RFX4: variants seen among roughly 807,000 people sequenced by gnomAD.
The protein encoded by RFX4 is regulatory factor X4.
In RFX4, 10 loss-of-function variants were observed where a neutral mutation model predicts 95.0. The observed-to-expected ratio is 0.11, with a 90% confidence interval of 0.06 to 0.18. RFX4 has a LOEUF of 0.18. RFX4 is among the 10% of genes least tolerant of loss of function. RFX4 has a pLI of 1.00. For missense variants in RFX4, 640 were observed against 922.0 expected (o/e 0.69, Z 3.96); for synonymous variants, 321 against 340.7 (o/e 0.94, Z 0.64).
intron 7 of RFX4, among the ~76,000 whole-genome samples, chr12:106,691,312 T>C (rs2041776713): frequency 6.6e-6 from 1 of 152,274 alleles, no homozygotes; most frequent in Non-Finnish European, 1.5e-5. Flanking sequence ...TTTTCAGATG[T>C]ATCAACCAGA....
chr12:106,646,592 C>A (rs1022960801), intron 3 of RFX4, among the ~76,000 whole-genome samples: 1 of 152,102 alleles, frequency 6.6e-6, no homozygotes, highest in Admixed American at 6.5e-5. Context: ...CTGTTCTGGT[C>A]CAGTTTAGAC....
At chr12:106,706,070 A>G (rs2042080123) in intron 8 of RFX4, among the ~76,000 whole-genome samples, 1 of 152,232 alleles carries the variant, frequency 6.6e-6, no homozygotes, top group Non-Finnish European at 1.5e-5. Flanking sequence ...GTTTGCCTAT[A>G]GAAATAATAT....
At chr12:106,751,248 C>T (rs2042999398) in intron 17 of RFX4, among the ~76,000 whole-genome samples, 1 of 150,698 alleles carries the variant, frequency 6.6e-6, no homozygotes, top group Non-Finnish European at 1.5e-5. Flanking sequence ...CATCCATGTC[C>T]CTACAAAGGA....
intron 2 of RFX4, among the ~76,000 whole-genome samples, chr12:106,636,607 A>C (rs1436897113): frequency 1.3e-5 from 2 of 152,184 alleles, no homozygotes; most frequent in Non-Finnish European, 2.9e-5. Flanking sequence ...CTCCAGGTTG[A>C]CAAAGCATCA....
chr12:106,698,140 T>G (rs1363924637), intron 8 of RFX4, among the ~76,000 whole-genome samples: 1 of 151,724 alleles, frequency 6.6e-6, no homozygotes, highest in Non-Finnish European at 1.5e-5. Flanking sequence ...GCCTGGCTAA[T>G]TTTTTGTATT....
chr12:106,617,568 T>C (rs1271119291), intron 2 of RFX4, among the ~76,000 whole-genome samples: 1 of 152,248 alleles, frequency 6.6e-6, no homozygotes, highest in Non-Finnish European at 1.5e-5. Flanking sequence ...TGTTGATTTC[T>C]CTTTTAGTTC....
intron 4 of RFX4, among the ~76,000 whole-genome samples, chr12:106,654,867 T>G (rs1198663501): frequency 1.3e-5 from 2 of 152,218 alleles, no homozygotes; most frequent in Non-Finnish European, 2.9e-5. Flanking sequence ...TTAGCAGTGA[T>G]CATTCCCATT....
chr12:106,609,868 A>G (rs1258904982), intron 2 of RFX4, among the ~76,000 whole-genome samples: 1 of 152,098 alleles, frequency 6.6e-6, no homozygotes, highest in Non-Finnish European at 1.5e-5. Flanking sequence ...GTCCTGACTT[A>G]TCACTATAGC....
At chr12:106,753,526 A>G (rs1260158743) in intron 17 of RFX4, among the ~76,000 whole-genome samples, 2 of 152,160 alleles carry the variant, frequency 1.3e-5, no homozygotes, top group African/African-American at 4.8e-5. Context: ...GATGAAGTCC[A>G]GTATCCTCAG....
intron 8 of RFX4, among the ~76,000 whole-genome samples, chr12:106,704,730 G>A (rs543003462): frequency 2.6e-5 from 4 of 152,254 alleles, no homozygotes; most frequent in African/African-American, 7.2e-5. Flanking sequence ...TCAAACTGGG[G>A]TTTTTCACTT....
chr12:106,668,617 A>C (rs190729674), intron 4 of RFX4, among the ~76,000 whole-genome samples: 63 of 152,354 alleles, frequency 4.1e-4, no homozygotes, highest in Middle Eastern at 3.4e-3. Flanking sequence ...CCTTGGACTA[A>C]GGATGAAGGG....
intron 13 of RFX4, among the ~76,000 whole-genome samples, chr12:106,724,128 TAGTA>T (rs1257813745): frequency 6.6e-6 from 1 of 152,104 alleles, no homozygotes; most frequent in Non-Finnish European, 1.5e-5. Flanking sequence ...GAAGCTGAGG[TAGTA>T]CTTGAAGGAT....
At chr12:106,703,109 G>A (rs372397087) in intron 8 of RFX4, among the ~76,000 whole-genome samples, 2 of 152,148 alleles carry the variant, frequency 1.3e-5, no homozygotes, top group African/African-American at 2.4e-5. Flanking sequence ...TGTATGTAAC[G>A]CCCTGTTTTC....
chr12:106,726,695 C>T (rs188517047), intron 13 of RFX4, among the ~76,000 whole-genome samples: 185 of 152,118 alleles, frequency 1.2e-3, no homozygotes, highest in African/African-American at 4.2e-3. Flanking sequence ...AAGAAATATA[C>T]AACTCATTTT....
intron 13 of RFX4, among the ~76,000 whole-genome samples, chr12:106,731,015 T>C (rs1208065939): frequency 1.3e-5 from 2 of 151,918 alleles, no homozygotes; most frequent in Non-Finnish European, 1.5e-5. Flanking sequence ...AAAAAGTCTC[T>C]AAAAAAGCAA....
chr12:106,752,694 G>T (rs759126655), intron 17 of RFX4, among the ~76,000 whole-genome samples: 3 of 152,102 alleles, frequency 2.0e-5, no homozygotes, highest in Non-Finnish European at 2.9e-5. Context: ...ATCTTAAGCC[G>T]AAGAATCCTC....
At chr12:106,748,536 C>A (rs1212614779) in intron 16 of RFX4, among the ~76,000 whole-genome samples, 1 of 152,168 alleles carries the variant, frequency 6.6e-6, no homozygotes, top group Non-Finnish European at 1.5e-5. Flanking sequence ...AACTACAAAT[C>A]CATACAAAAG....
intron 11 of RFX4, among the ~76,000 whole-genome samples, chr12:106,717,601 C>T (rs2042319393): frequency 6.6e-6 from 1 of 152,174 alleles, no homozygotes; most frequent in South Asian, 2.1e-4. Context: ...AATGCCTGTC[C>T]TAAGTCAGGT....
intron 15 of RFX4, 26 bp from the exon 16 acceptor site, chr12:106,747,411 C>A (rs1397978668): frequency 1.2e-6 from 2 of 1,608,410 alleles, no homozygotes; most frequent in Non-Finnish European, 1.7e-6. Context: ...TGTTAATGAT[C>A]AAGACGTCTT....
Sources: allele counts gnomAD v4.1 joint callset (sites outside exome capture counted in the v4.1 genomes callset), GRCh38; gene constraint gnomAD v4.1.1; transcripts MANE v1.5; gene names NCBI Gene and HGNC (gene_info 2026-07-23, HGNC 2026-07-21).